Variants in IQCM observed in about 807,000 individuals in gnomAD.
The protein encoded by IQCM is IQ motif containing M, also known as IQ domain-containing protein M.
IQCM carries 45 observed loss-of-function variants against 57.6 expected under a neutral mutation model. That is an observed-to-expected ratio of 0.78 (90% confidence interval 0.62 to 1.00). The LOEUF (loss-of-function observed/expected upper bound fraction) is 1.00, where lower values mean the gene tolerates loss of function less well. Among genes scored for constraint, IQCM ranks in the 50% least tolerant of loss-of-function variants. The probability of loss-of-function intolerance (pLI) is 0.00; values close to 1 mark genes in which losing one functional copy is unlikely to be tolerated. For missense variants in IQCM, 468 were observed against 511.6 expected (o/e 0.91, Z 0.82); for synonymous variants, 148 against 158.9 (o/e 0.93, Z 0.51).
intron 7 of IQCM, among the ~76,000 whole-genome samples, chr4:149,622,125 C>G (rs1756393192): frequency 6.6e-6 from 1 of 152,012 alleles, no homozygotes; most frequent in South Asian, 2.1e-4. Flanking sequence ...TTTGAGTGGT[C>G]TATGGGGAGG....
At chr4:149,363,831 T>C (rs1392777761) in intron 13 of IQCM, among the ~76,000 whole-genome samples, 2 of 152,174 alleles carry the variant, frequency 1.3e-5, no homozygotes, top group Admixed American at 1.3e-4. Context: ...ATTTCTGGCA[T>C]TCCATATATT....
intron 8 of IQCM, among the ~76,000 whole-genome samples, chr4:149,590,200 T>C (rs974482631): frequency 6.6e-5 from 10 of 151,810 alleles, no homozygotes; most frequent in South Asian, 2.1e-4. Context: ...CCTCCATTGA[T>C]GTTTTCTACC....
intron 9 of IQCM, among the ~76,000 whole-genome samples, chr4:149,578,000 G>A (rs1751825248): frequency 6.6e-6 from 1 of 151,758 alleles, no homozygotes; most frequent in Non-Finnish European, 1.5e-5. Flanking sequence ...GAATGGAATT[G>A]TGTTCCTGAT....
chr4:149,717,305 G>T (rs1375627225), intron 5 of IQCM, among the ~76,000 whole-genome samples: 1 of 152,152 alleles, frequency 6.6e-6, no homozygotes, highest in Non-Finnish European at 1.5e-5. Context: ...CATAGTGTCA[G>T]ATTTGAATTG....
At chr4:149,606,227 G>C (rs1205425175) in intron 8 of IQCM, among the ~76,000 whole-genome samples, 1 of 152,106 alleles carries the variant, frequency 6.6e-6, no homozygotes, top group Non-Finnish European at 1.5e-5. Context: ...CCCAGCTCCA[G>C]GCAGCCCAGT....
chr4:149,798,877 T>C (rs920955138), intron 2 of IQCM, among the ~76,000 whole-genome samples: 2 of 151,800 alleles, frequency 1.3e-5, no homozygotes, highest in Non-Finnish European at 2.9e-5. Context: ...CCCAATACAA[T>C]AAGAGGTGGA....
At chr4:149,559,136 C>T (rs745586154) in intron 10 of IQCM, among the ~76,000 whole-genome samples, 2 of 152,122 alleles carry the variant, frequency 1.3e-5, no homozygotes, top group South Asian at 2.1e-4. Context: ...TATCAACTGT[C>T]CATTTCCCCA....
intron 2 of IQCM, among the ~76,000 whole-genome samples, chr4:149,749,762 C>A (rs1384782008): frequency 6.6e-6 from 1 of 151,876 alleles, no homozygotes; most frequent in Admixed American, 6.6e-5. Context: ...CTATTAGAAC[C>A]CTGAAAATAC....
At chr4:149,606,233 C>T (rs1315845118) in intron 8 of IQCM, among the ~76,000 whole-genome samples, 1 of 152,100 alleles carries the variant, frequency 6.6e-6, no homozygotes, top group Non-Finnish European at 1.5e-5. Flanking sequence ...TCCAGGCAGC[C>T]CAGTACAGAG....
chr4:149,529,426 A>G (rs1262297323), intron 12 of IQCM, among the ~76,000 whole-genome samples: 1 of 152,170 alleles, frequency 6.6e-6, no homozygotes, highest in East Asian at 1.9e-4. Context: ...TTGAGTTATT[A>G]TATTTTACTT....
intron 8 of IQCM, among the ~76,000 whole-genome samples, chr4:149,616,922 T>C (rs1234960757): frequency 2.0e-5 from 3 of 152,160 alleles, no homozygotes; most frequent in African/African-American, 7.2e-5. Context: ...TATACCTATG[T>C]AACAAACCTA....
At chr4:149,743,816 C>T (rs1767682660) in intron 2 of IQCM, among the ~76,000 whole-genome samples, 1 of 152,186 alleles carries the variant, frequency 6.6e-6, no homozygotes, top group African/African-American at 2.4e-5. Flanking sequence ...ATCCAAAATG[C>T]ATCAAATGTT....
At chr4:149,368,890 G>GTATATATA (rs758241507) in intron 13 of IQCM, among the ~76,000 whole-genome samples, 2 of 39,372 alleles carry the variant, frequency 5.1e-5, no homozygotes, top group African/African-American at 9.5e-5. Flanking sequence ...GTATATATAT[G>GTATATATA]TATATATATA....
At chr4:149,633,115 TGC>T (rs1195607394) in intron 7 of IQCM, among the ~76,000 whole-genome samples, 2 of 132,014 alleles carry the variant, frequency 1.5e-5, no homozygotes, top group East Asian at 4.7e-4. Flanking sequence ...GAGCCGAGAT[TGC>T]GCCACTGCAG....
At chr4:149,698,443 C>A (rs988090823) in intron 5 of IQCM, among the ~76,000 whole-genome samples, 6 of 152,030 alleles carry the variant, frequency 3.9e-5, no homozygotes, top group African/African-American at 9.7e-5. Flanking sequence ...GAACTGAGGG[C>A]AGAGCTGAAT....
At chr4:149,415,903 G>T (rs1429807252) in intron 13 of IQCM, among the ~76,000 whole-genome samples, 1 of 152,002 alleles carries the variant, frequency 6.6e-6, no homozygotes, top group Admixed American at 6.6e-5. Context: ...GGCCTGTCGT[G>T]GGGTGGAGGG....
At chr4:149,481,074 C>T (rs1305405754) in intron 12 of IQCM, among the ~76,000 whole-genome samples, 5 of 152,052 alleles carry the variant, frequency 3.3e-5, no homozygotes, top group African/African-American at 1.2e-4. Flanking sequence ...AATGGCTATT[C>T]AATTTTTTTG....
intron 5 of IQCM, among the ~76,000 whole-genome samples, chr4:149,727,352 T>C (rs921779049): frequency 1.1e-4 from 17 of 152,182 alleles, no homozygotes; most frequent in Non-Finnish European, 1.8e-4. Flanking sequence ...GTTCTCATCT[T>C]CCAGTTCATC....
At chr4:149,662,942 T>G (rs1760355677) in intron 7 of IQCM, among the ~76,000 whole-genome samples, 1 of 152,102 alleles carries the variant, frequency 6.6e-6, no homozygotes, top group Admixed American at 6.6e-5. Flanking sequence ...TCCTGCAACT[T>G]TGTTCCTTGT....
Sources: allele counts gnomAD v4.1 joint callset (sites outside exome capture counted in the v4.1 genomes callset), GRCh38; gene constraint gnomAD v4.1.1; transcripts MANE v1.5; gene names NCBI Gene and HGNC (gene_info 2026-07-23, HGNC 2026-07-21).